Variants in CEP57L1 observed in about 807,000 individuals in gnomAD.
CEP57L1 encodes centrosomal protein CEP57L1.
A neutral mutation model predicts 61.0 loss-of-function variants in CEP57L1; 37 were observed. That is an observed-to-expected ratio of 0.61 (90% CI 0.47 to 0.80). The LOEUF (loss-of-function observed/expected upper bound fraction) is 0.80. CEP57L1 is among the 30% of genes least tolerant of loss of function. The probability of loss-of-function intolerance (pLI) is 0.00; values close to 1 mark genes in which losing one functional copy is unlikely to be tolerated. For synonymous variants in CEP57L1, 137 were observed against 162.3 expected (o/e 0.84, Z 1.19); for missense variants, 422 against 524.7 (o/e 0.80, Z 1.91).
chr6:109,172,325 C>T lies in CEP57L1; in HGVS notation c.*9355C>T, dbSNP rs1445509024. 6.6e-6 allele frequency among the ~76,000 whole-genome samples: 1 copy of T among 152,150 alleles called. No individual in the cohort carries two copies. The highest frequency in any genetic ancestry group is 1.5e-5 in the Non-Finnish European group (1 of 68,022). On this transcript the variant is annotated 3_prime_UTR_variant, in exon 11 of 11. Coordinates refer to ENST00000517392, the MANE Select transcript of CEP57L1 (RefSeq NM_001271852.3). ...ACGTAGGCATAGCATGACTGATAGC[C>T]CATGTGGCTGACCTTCAGTTTTCAG...
At chr6:109,095,972 A>C (rs117712984) in intron 1 of CEP57L1, among the ~76,000 whole-genome samples, 1,993 of 152,274 alleles carry the variant, frequency 0.013, 22 homozygotes, top group Non-Finnish European at 0.018. Context: ...GTCAAATGAA[A>C]TCCTAGGCAG....
At chr6:109,129,705 A>AT (rs1222433567) in intron 1 of CEP57L1, among the ~76,000 whole-genome samples, 3 of 152,138 alleles carry the variant, frequency 2.0e-5, no homozygotes, top group Non-Finnish European at 2.9e-5. Context: ...GCCTTTTTGC[A>AT]TTAGCTAAGC....
At position 109,172,313 on chromosome 6, in the gene CEP57L1, A is replaced by G. The variant is rs907131835; in HGVS notation, c.*9343A>G. On this transcript the variant is annotated 3_prime_UTR_variant, in exon 11 of 11. Coordinates refer to ENST00000517392, the MANE Select transcript of CEP57L1 (RefSeq NM_001271852.3). Reference sequence around the variant, plus strand: ...TGAGGGTTGGTCACGTAGGCATAGCATGACTGATAGCCCATGTGGCTGACC... The same window carrying G: ...TGAGGGTTGGTCACGTAGGCATAGCGTGACTGATAGCCCATGTGGCTGACC... Among the ~76,000 whole-genome samples the G allele has an allele frequency of 6.6e-6, 1 of 152,180 alleles. No homozygotes were observed. Among genetic ancestry groups the G allele is most frequent in the Admixed American group, 6.5e-5 (1 of 15,274 alleles).
chr6:109,123,398 G>C (rs556062527), intron 1 of CEP57L1, among the ~76,000 whole-genome samples: 45 of 152,156 alleles, frequency 3.0e-4, no homozygotes, highest in Non-Finnish European at 5.4e-4. Context: ...CATGACCCTG[G>C]GCAAGTTACT....
chr6:109,155,886 A>G lies in CEP57L1; in HGVS notation c.744+9A>G, dbSNP rs1430895563. On this transcript the variant is annotated intron_variant, in intron 7 of 10. Coordinates refer to ENST00000517392, the MANE Select transcript of CEP57L1 (RefSeq NM_001271852.3). The stretch of plus-strand genomic sequence containing the variant: ...AGAAGAAATCTTCAAAGGTGTGCAT[A>G]TAAAATTTTTTCCCAAACAAAAATA... 7 of 1,506,486 alleles carry G rather than the reference A, an allele frequency of 4.6e-6. No homozygotes were observed. The highest frequency in any genetic ancestry group is 6.4e-6 in the Non-Finnish European group (7 of 1,095,454). 93.3% of individuals were successfully genotyped at this position (1,506,486 alleles called of 1,614,324 possible).
intron 9 of CEP57L1, among the ~76,000 whole-genome samples, chr6:109,159,696 G>T (rs545932882): frequency 6.6e-6 from 1 of 151,934 alleles, no homozygotes; most frequent in Non-Finnish European, 1.5e-5. Flanking sequence ...TCTTAAAGGC[G>T]TTACTTAGCC....
At chr6:109,101,558 G>T (rs1782400121) in intron 1 of CEP57L1, among the ~76,000 whole-genome samples, 1 of 151,854 alleles carries the variant, frequency 6.6e-6, no homozygotes, top group South Asian at 2.1e-4. Flanking sequence ...TATGATTGCT[G>T]GATCTCAGGT....
chr6:109,155,645 A>G (rs764412114), intron 6 of CEP57L1, 146 bp from the exon 7 acceptor site: 4 of 587,560 alleles, frequency 6.8e-6, no homozygotes, highest in African/African-American at 5.9e-5. Context: ...AGTGACCTTC[A>G]CATGTACAAA....
intron 1 of CEP57L1, among the ~76,000 whole-genome samples, chr6:109,142,666 A>G (rs988662527): frequency 1.3e-5 from 2 of 151,956 alleles, no homozygotes; most frequent in African/African-American, 4.8e-5. Flanking sequence ...CTTGATACAA[A>G]TGAGGTTCAC....
chr6:109,146,844 C>A lies in CEP57L1; in HGVS notation c.247C>A (p.Leu83Ile). ...ACAAGCTGAAGATAACCTGAACATT[C>A]TTTCCAGAGAAGCAGCACAGTATAA... ...RTQAEDNLNI[L>I]SREAAQYKKA... The change falls in exon 3 of 11, where the codon CTT (leucine) becomes ATT (isoleucine). Residue 83 changes from leucine to isoleucine, a missense_variant. Leu to Ile is a conservative substitution (Grantham distance 5). Transcript: ENST00000517392. 6.2e-7 allele frequency: 1 copy of A among 1,610,750 alleles called. No individual in the cohort carries two copies. Among genetic ancestry groups the A allele is most frequent in the Non-Finnish European group, 8.5e-7 (1 of 1,178,362 alleles).
intron 10 of CEP57L1, among the ~76,000 whole-genome samples, chr6:109,160,986 G>A (rs977022694): frequency 2.0e-5 from 3 of 152,162 alleles, no homozygotes; most frequent in Admixed American, 6.5e-5. Context: ...TTGTGAGGCA[G>A]ACTAAACTTG....
chr6:109,174,151 A>C lies in CEP57L1; in HGVS notation c.*11181A>C, dbSNP rs962258397. ...AAACCATCTCCAATGAAGCAGTGTT[A>C]GGAGATAGGGCCTAATGGATATAAA... On this transcript the variant is annotated 3_prime_UTR_variant, in exon 11 of 11. Transcript: ENST00000517392. 8.6e-5 allele frequency among the ~76,000 whole-genome samples: 13 copies of C among 151,738 alleles called. No homozygotes were observed. Among genetic ancestry groups the C allele is most frequent in the Non-Finnish European group, 1.8e-4 (12 of 67,942 alleles).
chr6:109,138,626 A>G (rs1303233380), intron 1 of CEP57L1, among the ~76,000 whole-genome samples: 1 of 152,218 alleles, frequency 6.6e-6, no homozygotes, highest in African/African-American at 2.4e-5. Context: ...TATTCCTGTC[A>G]GCTATGTATG....
intron 1 of CEP57L1, among the ~76,000 whole-genome samples, chr6:109,136,007 G>T (rs6914795): frequency 4.6e-5 from 7 of 152,128 alleles, no homozygotes; most frequent in Non-Finnish European, 8.8e-5. Context: ...GACAGTGTGG[G>T]GATTCCTCAG....
intron 1 of CEP57L1, among the ~76,000 whole-genome samples, chr6:109,133,332 C>T (rs1365308534): frequency 6.6e-6 from 1 of 152,140 alleles, no homozygotes; most frequent in African/African-American, 2.4e-5. Flanking sequence ...AGCATGCAGC[C>T]TAGATCCCTG....
chr6:109,099,352 G>A (rs1316874223), intron 1 of CEP57L1, among the ~76,000 whole-genome samples: 1 of 152,070 alleles, frequency 6.6e-6, no homozygotes, highest in East Asian at 1.9e-4. Flanking sequence ...TGTTCTAGAA[G>A]CAAAATGAAG....
intron 1 of CEP57L1, among the ~76,000 whole-genome samples, chr6:109,115,092 A>C (rs1772122523): frequency 6.6e-6 from 1 of 152,192 alleles, no homozygotes; most frequent in Non-Finnish European, 1.5e-5. Flanking sequence ...ATATGGCTAA[A>C]TTAATGATAG....
chr6:109,150,265 A>T lies in CEP57L1; in HGVS notation c.462+26A>T, dbSNP rs778702719. On this transcript the variant is annotated intron_variant, in intron 4 of 10. Coordinates refer to ENST00000517392, the MANE Select transcript of CEP57L1 (RefSeq NM_001271852.3). ...GTGAGCATATTTTCTATAAGGAATGATAATATAATTTTGTATGTTTTTGAA... is the reference window on the plus strand; with the variant it reads ...GTGAGCATATTTTCTATAAGGAATGTTAATATAATTTTGTATGTTTTTGAA... 9 of 1,581,404 alleles carry T rather than the reference A, an allele frequency of 5.7e-6. No homozygotes were observed. In the African/African-American group the frequency reaches 1.2e-4, roughly 21 times the overall value.
chr6:109,152,347 A>T lies in CEP57L1; in HGVS notation c.463-1486A>T, dbSNP rs403911. 8.8e-3 allele frequency among the ~76,000 whole-genome samples: 1,343 copies of T among 152,124 alleles called. 19 individuals carry two copies. The highest frequency in any genetic ancestry group is 0.031 in the African/African-American group (1,279 of 41,524). ...AGGCGCCCGCCACCACACCCAGCTA[A>T]CTTTTTGTATTTTTAGTAGAGACAG... On this transcript the variant is annotated intron_variant, in intron 4 of 10. Coordinates refer to ENST00000517392, the MANE Select transcript of CEP57L1 (RefSeq NM_001271852.3).
Sources: gnomAD v4.1 joint callset for allele counts (sites outside exome capture counted in the v4.1 genomes callset) on GRCh38, gnomAD v4.1.1 for gene constraint, MANE v1.5 for transcripts, NCBI Gene and HGNC (gene_info 2026-07-23, HGNC 2026-07-21) for gene names.